The following EXD3 variants were observed in gnomAD, a reference collection of about 807,000 sequenced individuals.
EXD3 encodes the protein exonuclease mut-7 homolog.
In EXD3, 92 loss-of-function variants were observed where a neutral mutation model predicts 98.0. That is an observed-to-expected ratio of 0.94 (90% CI 0.79 to 1.12). The LOEUF (loss-of-function observed/expected upper bound fraction) is 1.12. EXD3 is among the 50% of genes most tolerant of loss of function. The pLI is 0.00. For synonymous variants in EXD3, 569 were observed against 526.0 expected (o/e 1.08, Z -1.12); for missense variants, 1,222 against 1,191.6 (o/e 1.03, Z -0.38).
intron 17 of EXD3, among the ~76,000 whole-genome samples, chr9:137,334,730 T>C (rs1027585976): frequency 6.6e-6 from 1 of 152,068 alleles, no homozygotes; most frequent in African/African-American, 2.4e-5. Context: ...AATAAATAAA[T>C]GTGACCTAAT....
intron 19 of EXD3, among the ~76,000 whole-genome samples, chr9:137,315,837 C>T (rs1442146351): frequency 6.6e-6 from 1 of 151,804 alleles, no homozygotes; most frequent in African/African-American, 2.4e-5. Flanking sequence ...TCCCACCTGC[C>T]TTGGGTCAAA....
chr9:137,338,950 G>A (rs1246332028), intron 17 of EXD3, among the ~76,000 whole-genome samples: 8 of 150,864 alleles, frequency 5.3e-5, no homozygotes, highest in Non-Finnish European at 4.4e-5. Context: ...CATGAGAAGA[G>A]TGAGAGCAAA....
chr9:137,362,418 A>T (rs1031777655), intron 7 of EXD3, among the ~76,000 whole-genome samples: 3 of 152,234 alleles, frequency 2.0e-5, no homozygotes, highest in Non-Finnish European at 2.9e-5. Flanking sequence ...CCATGTGTTC[A>T]TCTCAATAGA....
chr9:137,311,955 G>A (rs1046007939), intron 19 of EXD3, among the ~76,000 whole-genome samples: 5 of 152,048 alleles, frequency 3.3e-5, no homozygotes, highest in African/African-American at 1.2e-4. Flanking sequence ...CCTGAGACCC[G>A]CCCCCCAGCA....
chr9:137,323,655 C>T, intron 19 of EXD3, 70 bp downstream of exon 19: 11 of 1,571,352 alleles, frequency 7.0e-6, no homozygotes, highest in South Asian at 1.2e-5. Context: ...GTGGGGCCCA[C>T]CTCCCTGGAC....
At position 137,395,179 on chromosome 9, in the gene EXD3, G is replaced by T; in HGVS notation, c.55+124C>A. 1 of 887,600 alleles carries T rather than the reference G, an allele frequency of 1.1e-6. No homozygotes were observed. Among genetic ancestry groups the T allele is most frequent in the Non-Finnish European group, 1.9e-6 (1 of 538,908 alleles). The allele number at this position is 887,600 out of a possible 1,614,324, so 55.0% of individuals were successfully genotyped here. A position where few individuals can be genotyped will look rare whatever the true frequency, so the allele number is the denominator to read the frequency against. The stretch of plus-strand genomic sequence containing the variant: ...CGTGGACACTGTAGAGAGGCCCGCA[G>T]CTAGGGGCCAGCAGCCTGGCCCTCG... On this transcript the variant is annotated intron_variant, in intron 2 of 21. Coordinates refer to ENST00000340951, the MANE Select transcript of EXD3 (RefSeq NM_017820.5). This position sits in a 1 kb window ranked among gnomAD's most constrained non-coding sequence, Gnocchi z 6.5.
rs1050447056 is a variant in EXD3, at chr9:137,324,780, C to T, written c.1999-637G>A. Among the ~76,000 whole-genome samples the T allele has an allele frequency of 6.6e-6, 1 of 152,186 alleles. No individual in the cohort carries two copies. Among genetic ancestry groups the T allele is most frequent in the Non-Finnish European group, 1.5e-5 (1 of 68,026 alleles). ...CTGTCTTGGCTCACTGCAAGCTCCG[C>T]CTCCTGGGTTCATGCCATTCTCCTG... On this transcript the variant is annotated intron_variant, in intron 17 of 21. Transcript: ENST00000340951. The surrounding 1 kb of genome is among the most constrained non-coding windows in gnomAD (Gnocchi z 4.1).
At chr9:137,373,159 C>T in intron 4 of EXD3, 87 bp from the exon 5 acceptor site, 1 of 1,433,426 alleles carries the variant, frequency 7.0e-7, no homozygotes, top group Non-Finnish European at 9.3e-7. Context: ...GCTTAGGAAG[C>T]AGCGCCTGCC....
chr9:137,372,030 G>A (rs1835643375), intron 5 of EXD3, among the ~76,000 whole-genome samples: 1 of 152,124 alleles, frequency 6.6e-6, no homozygotes, highest in African/African-American at 2.4e-5. Context: ...TCTTCCTCTT[G>A]GAACCTTCTG....
At chr9:137,383,460 G>T (rs2131723739) in intron 2 of EXD3, 83 bp from the exon 3 acceptor site, 4 of 1,051,236 alleles carry the variant, frequency 3.8e-6, no homozygotes, top group South Asian at 1.6e-5. Flanking sequence ...CCCTCCCACT[G>T]ACCCGCAATG....
rs1460559971 is a variant in EXD3, at chr9:137,354,765, G to A, written c.766C>T (p.Pro256Ser). Residue 256 changes from proline (P) to serine (S), a missense_variant, in exon 9 of 22, where the codon CCC becomes TCC. Physicochemically the swap from Pro to Ser is moderately conservative, Grantham distance 74. Coordinates refer to ENST00000340951, the MANE Select transcript of EXD3 (RefSeq NM_017820.5). ...AGGCGCTGCTGAATGGCCGCGTTGG[G>A]ACACAGCGCTGAAAGGAAAGGCCAG... ...ERYGVAPALC[P>S]NAAIQQRLAA... 6.8e-6 allele frequency: 11 copies of A among 1,609,746 alleles called. No homozygotes were observed. Among genetic ancestry groups the A allele is most frequent in the Non-Finnish European group, 8.5e-6 (10 of 1,179,484 alleles).
intron 6 of EXD3, among the ~76,000 whole-genome samples, chr9:137,366,875 C>T (rs946444478): frequency 1.2e-4 from 19 of 152,218 alleles, no homozygotes; most frequent in African/African-American, 4.6e-4. Context: ...GCAAGGGGGA[C>T]CCTGGGGAAG....
chr9:137,382,385 G>GGGGCGGGGGGCAGA (rs1836360273), intron 3 of EXD3, among the ~76,000 whole-genome samples: 1 of 152,094 alleles, frequency 6.6e-6, no homozygotes, highest in African/African-American at 2.4e-5. Context: ...AGACACGTGG[G>GGGGCGGGGGGCAGA]GGGCGGGGGG....
intron 19 of EXD3, among the ~76,000 whole-genome samples, chr9:137,320,277 G>A (rs1006815234): frequency 6.6e-6 from 1 of 152,202 alleles, no homozygotes; most frequent in African/African-American, 2.4e-5. Flanking sequence ...CGCTGCCTGG[G>A]GCTGCAGCCA....
At chr9:137,411,174 CG>C (rs1367635063) in intron 1 of EXD3, among the ~76,000 whole-genome samples, 1 of 152,024 alleles carries the variant, frequency 6.6e-6, no homozygotes, top group Non-Finnish European at 1.5e-5. Flanking sequence ...CAGGCCTGGC[CG>C]TGAGATGGAG....
chr9:137,340,964 C>T (rs752353105), intron 17 of EXD3, among the ~76,000 whole-genome samples: 1 of 152,194 alleles, frequency 6.6e-6, no homozygotes, highest in Admixed American at 6.5e-5. Flanking sequence ...GCTCACCCTA[C>T]CAGATATGAA....
intron 5 of EXD3, among the ~76,000 whole-genome samples, chr9:137,372,314 G>A (rs527587329): frequency 3.9e-5 from 6 of 152,332 alleles, no homozygotes; most frequent in Non-Finnish European, 7.3e-5. Flanking sequence ...TGTCCCAGGC[G>A]CCGGCACTGC....
intron 3 of EXD3, chr9:137,374,654 A>G (rs955743283): frequency 3.2e-5 from 32 of 985,456 alleles, no homozygotes; most frequent in Non-Finnish European, 3.9e-5. Flanking sequence ...GGAGGGTGCC[A>G]TGCCCAAAGG....
chr9:137,379,621 C>G (rs964700359), intron 3 of EXD3, among the ~76,000 whole-genome samples: 3 of 152,080 alleles, frequency 2.0e-5, no homozygotes, highest in Admixed American at 2.0e-4. Flanking sequence ...GAAAGATTCA[C>G]GAAGCACGAC....
Sources: allele counts gnomAD v4.1 joint callset (sites outside exome capture counted in the v4.1 genomes callset), GRCh38; gene constraint gnomAD v4.1.1; non-coding constraint Gnocchi (gnomAD v3.1); transcripts MANE v1.5; gene names NCBI Gene and HGNC (gene_info 2026-07-23, HGNC 2026-07-21).